The following RBFOX1 variants were observed in gnomAD, a reference collection of about 807,000 sequenced individuals.
The protein encoded by RBFOX1 is RNA binding fox-1 homolog 1, also known as RNA binding protein fox-1 homolog 1.
Under a neutral mutation model 57.7 loss-of-function variants are expected in RBFOX1, and 8 were observed. The ratio of observed to expected loss-of-function variants is 0.14; its 90% CI spans 0.08 to 0.25. The LOEUF is 0.25. RBFOX1 is among the 10% of genes least tolerant of loss of function. The pLI is 1.00. For missense variants in RBFOX1, 611 were observed against 548.5 expected (o/e 1.11, Z -1.14); for synonymous variants, 326 against 222.4 (o/e 1.47, Z -4.15).
At chr16:7,041,978 A>AG (rs1323346653) in intron 3 of RBFOX1, among the ~76,000 whole-genome samples, 3 of 152,180 alleles carry the variant, frequency 2.0e-5, no homozygotes, top group African/African-American at 4.8e-5. Context: ...AACGTTACTT[A>AG]GGAGATGTTC....
chr16:5,286,948 T>C (rs371670501), intron 1 of RBFOX1, among the ~76,000 whole-genome samples: 2 of 152,198 alleles, frequency 1.3e-5, no homozygotes, highest in East Asian at 1.9e-4. Flanking sequence ...TCCCTGGGGC[T>C]GGGCCAACTT....
At chr16:7,653,731 A>T (rs2065626322) in intron 11 of RBFOX1, 84 bp from the exon 12 acceptor site, 3 of 1,580,106 alleles carry the variant, frequency 1.9e-6, no homozygotes. Context: ...TGCAGGGACA[A>T]GGGTTCCCGG....
intron 2 of RBFOX1, among the ~76,000 whole-genome samples, chr16:6,333,060 G>C (rs1028179101): frequency 6.6e-6 from 1 of 151,080 alleles, no homozygotes; most frequent in South Asian, 2.1e-4. Flanking sequence ...TCTTTTTTGA[G>C]ACAGCATCTT....
intron 3 of RBFOX1, among the ~76,000 whole-genome samples, chr16:5,818,308 C>T (rs937475119): frequency 2.6e-5 from 4 of 152,180 alleles, no homozygotes; most frequent in African/African-American, 9.7e-5. Flanking sequence ...GCAGGAAAGC[C>T]TGAGTTTCAT....
chr16:7,535,050 A>G (rs1168728606), intron 5 of RBFOX1, among the ~76,000 whole-genome samples: 1 of 152,232 alleles, frequency 6.6e-6, no homozygotes, highest in Non-Finnish European at 1.5e-5. Context: ...TGAGTATAAT[A>G]GGAGCATAAC....
chr16:6,845,470 G>C (rs7204610), intron 3 of RBFOX1, among the ~76,000 whole-genome samples: 48,334 of 151,982 alleles, frequency 0.32, 8,131 homozygotes, highest in Admixed American at 0.44. Context: ...TGTCAGGTTT[G>C]TCAAAGATCA....
intron 2 of RBFOX1, among the ~76,000 whole-genome samples, chr16:6,598,068 G>C (rs1050376231): frequency 6.6e-6 from 1 of 152,172 alleles, no homozygotes; most frequent in Non-Finnish European, 1.5e-5. Flanking sequence ...GTCAGGTTTG[G>C]TTTTCTGGTA....
intron 4 of RBFOX1, among the ~76,000 whole-genome samples, chr16:5,929,781 C>T (rs1054860167): frequency 2.0e-5 from 3 of 151,930 alleles, no homozygotes; most frequent in Admixed American, 6.6e-5. Flanking sequence ...GTGTGCCACA[C>T]GCTGGGATGG....
At chr16:5,735,733 C>T (rs902877729) in intron 3 of RBFOX1, among the ~76,000 whole-genome samples, 6 of 151,956 alleles carry the variant, frequency 3.9e-5, no homozygotes, top group South Asian at 2.1e-4. Flanking sequence ...CCTGTTTAGC[C>T]GGGCGTGGTG....
chr16:6,861,124 G>A (rs969491258), intron 3 of RBFOX1, among the ~76,000 whole-genome samples: 2 of 151,984 alleles, frequency 1.3e-5, no homozygotes, highest in Non-Finnish European at 2.9e-5. Flanking sequence ...GTGGACATAC[G>A]GCATTTGCTC....
intron 4 of RBFOX1, among the ~76,000 whole-genome samples, chr16:7,454,756 A>C (rs893507978): frequency 6.6e-6 from 1 of 152,198 alleles, no homozygotes; most frequent in Admixed American, 6.5e-5. Flanking sequence ...TACCATGAAC[A>C]TGTGCAATTG....
At chr16:7,257,373 T>A (rs2094733072) in intron 4 of RBFOX1, among the ~76,000 whole-genome samples, 1 of 152,124 alleles carries the variant, frequency 6.6e-6, no homozygotes, top group South Asian at 2.1e-4. Context: ...TCATGAGACT[T>A]GCTGCCCCTC....
chr16:5,487,560 AC>A (rs1323869055), intron 2 of RBFOX1, among the ~76,000 whole-genome samples: 1 of 152,200 alleles, frequency 6.6e-6, no homozygotes, highest in Admixed American at 6.5e-5. Context: ...TCTTGAAGGT[AC>A]AGAGGCAATG....
intron 4 of RBFOX1, among the ~76,000 whole-genome samples, chr16:7,504,787 T>TTATATATATATATATTTA (rs1567555393): frequency 4.3e-4 from 4 of 9,362 alleles, no homozygotes; most frequent in African/African-American, 1.5e-3. Context: ...ATATATATAT[T>TTATATATATATATATTTA]TATATATATA....
chr16:6,709,884 G>A (rs968038221), intron 3 of RBFOX1, among the ~76,000 whole-genome samples: 10 of 152,080 alleles, frequency 6.6e-5, no homozygotes, highest in Non-Finnish European at 1.3e-4. Context: ...GGGAACGGCC[G>A]GGGGCTACTG....
intron 11 of RBFOX1, among the ~76,000 whole-genome samples, chr16:7,652,607 C>T (rs894183657): frequency 2.0e-5 from 3 of 152,260 alleles, no homozygotes; most frequent in South Asian, 2.1e-4. Context: ...GGGGTTTCAC[C>T]GTATTGGCCA....
rs142114686 is a variant in RBFOX1, at chr16:7,700,351, C to T, written c.996-8705C>T. 5.3e-5 allele frequency among the ~76,000 whole-genome samples: 8 copies of T among 152,236 alleles called. No individual in the cohort carries two copies. The East Asian group carries it at 1.4e-3, about 26-fold the overall frequency. ...GATGAGGATGCACCATTATCATCTC[C>T]ATTTATAGATGGTATAACCAACTCA... On this transcript the variant is annotated intron_variant, in intron 14 of 15. Coordinates refer to ENST00000550418, the MANE Select transcript of RBFOX1 (RefSeq NM_018723.4).
At chr16:6,007,457 G>C (rs1042015392) in intron 4 of RBFOX1, among the ~76,000 whole-genome samples, 1 of 152,158 alleles carries the variant, frequency 6.6e-6, no homozygotes, top group African/African-American at 2.4e-5. Context: ...GTCAGGTCTT[G>C]AGATGAAACT....
At chr16:6,523,549 A>C (rs138789055) in intron 2 of RBFOX1, among the ~76,000 whole-genome samples, 1 of 152,164 alleles carries the variant, frequency 6.6e-6, no homozygotes, top group African/African-American at 2.4e-5. Flanking sequence ...TTGGTACGCT[A>C]CTTACCCTTT....
Sources: allele counts gnomAD v4.1 joint callset (sites outside exome capture counted in the v4.1 genomes callset), GRCh38; gene constraint gnomAD v4.1.1; transcripts MANE v1.5; gene names NCBI Gene and HGNC (gene_info 2026-07-23, HGNC 2026-07-21).